NPC1: variants seen among roughly 807,000 people sequenced by gnomAD.
The protein encoded by NPC1 is NPC intracellular cholesterol transporter 1.
NPC1 carries 85 observed loss-of-function variants against 140.4 expected under a neutral mutation model. The observed-to-expected ratio is 0.61, with a 90% CI of 0.51 to 0.72. NPC1 has a LOEUF of 0.72. NPC1 is among the 30% of genes least tolerant of loss of function. NPC1 has a pLI of 0.00. For synonymous variants in NPC1, 656 were observed against 624.8 expected (o/e 1.05, Z -0.74); for missense variants, 1,504 against 1,623.8 (o/e 0.93, Z 1.27).
chr18:23,522,033 G>A (rs947255985), downstream of NPC1, among the ~76,000 whole-genome samples: 1 of 152,216 alleles, frequency 6.6e-6, no homozygotes, highest in Non-Finnish European at 1.5e-5. Flanking sequence ...GACCCAGCCT[G>A]CAGTCAGGAT....
downstream of NPC1, among the ~76,000 whole-genome samples, chr18:23,521,965 C>G (rs1251721179): frequency 6.6e-6 from 1 of 152,186 alleles, no homozygotes; most frequent in Admixed American, 6.5e-5. Context: ...TCAGATGGCT[C>G]ACATTTGGAA....
chr18:23,530,196 T>C (rs751240122), downstream of NPC1: 14 of 1,613,962 alleles, frequency 8.7e-6, no homozygotes, highest in East Asian at 3.1e-4. Flanking sequence ...CCGTTATCTT[T>C]CCAACTGAAG....
rs1373458567 is a variant in NPC1, at chr18:23,545,065, A to C, written c.1842T>G (p.Asn614Lys). The C allele has an allele frequency of 6.2e-7, 1 of 1,611,918 alleles. No individual in the cohort carries two copies. ...TGAAGACATCACTGTCACTTTCACG[A>C]TTTAGTTCATCTTCAATACTTCGTT... ...TAERSIEDEL[N>K]RESDSDVFTV... is the part of the protein sequence containing the mutation. Residue 614 changes from asparagine (N) to lysine (K), a missense_variant, in exon 12 of 25, where the codon AAT (asparagine) becomes AAG (lysine). Transcript: ENST00000269228.
chr18:23,535,785 CAG>C, intron 21 of NPC1, 85 bp from the exon 22 acceptor site: 1 of 904,536 alleles, frequency 1.1e-6, no homozygotes, highest in Non-Finnish European at 1.8e-6. Flanking sequence ...GCCAAGTGGT[CAG>C]ACTCCTTTGG....
chr18:23,572,913 T>C (rs1185177116), intron 2 of NPC1, among the ~76,000 whole-genome samples: 2 of 152,236 alleles, frequency 1.3e-5, no homozygotes, highest in Non-Finnish European at 2.9e-5. Context: ...TTTTGATTAC[T>C]TTAAGCCTCT....
At position 23,554,836 on chromosome 18, in the gene NPC1, T is replaced by C; in HGVS notation, c.1475A>G (p.His492Arg). The C allele has an allele frequency of 6.2e-7, 1 of 1,614,148 alleles. No individual in the cohort carries two copies. Among genetic ancestry groups the C allele is most frequent in the Non-Finnish European group, 8.5e-7 (1 of 1,180,000 alleles). ...LSVLNYFQNS[H>R]SVLDHKKGDD... Reference sequence around the variant, plus strand: ...CCCTTTCTTGTGGTCCAGCACGGAATGGCTGTTCTGGAAGTAATTTAACAC... The same window carrying C: ...CCCTTTCTTGTGGTCCAGCACGGAACGGCTGTTCTGGAAGTAATTTAACAC... Residue 492 changes from histidine to arginine, a missense_variant, in exon 9 of 25, where the codon CAT becomes CGT. Transcript: ENST00000269228.
chr18:23,557,745 AAAC>A (rs1225877344), intron 6 of NPC1, among the ~76,000 whole-genome samples: 2 of 110,304 alleles, frequency 1.8e-5, no homozygotes, highest in Non-Finnish European at 4.2e-5. Flanking sequence ...CATCTCAAAA[AAAC>A]AAACAAACAA....
downstream of NPC1, chr18:23,528,945 T>A: frequency 4.2e-6 from 2 of 479,996 alleles, no homozygotes; most frequent in Non-Finnish European, 7.2e-6. Flanking sequence ...AATGGTGAGA[T>A]CTTGGCTCAC....
intron 11 of NPC1, 142 bp downstream of exon 11, chr18:23,547,864 G>C (rs2058810978): frequency 2.6e-6 from 2 of 757,682 alleles, no homozygotes; most frequent in African/African-American, 1.7e-5. Context: ...TTTCTTCTTA[G>C]CATCATTAGT....
Position 23,531,508 on chromosome 18 carries a change from C to A in NPC1, c.*694G>T. 1 of 1,493,026 alleles carries A rather than the reference C, an allele frequency of 6.7e-7. No homozygotes were observed. Among genetic ancestry groups the A allele is most frequent in the Non-Finnish European group, 8.9e-7 (1 of 1,129,050 alleles). 92.5% of individuals were successfully genotyped at this position (1,493,026 alleles called of 1,614,324 possible). A position where few individuals can be genotyped will look rare whatever the true frequency, so the allele number is the denominator to read the frequency against. On this transcript the variant is annotated 3_prime_UTR_variant, in exon 25 of 25. Transcript: ENST00000269228. ...AGGGTAACCCCAAAACTTAGGAAAACAATGTATTTTATTAAAGAAAAATAA... is the reference window on the plus strand; with the variant it reads ...AGGGTAACCCCAAAACTTAGGAAAAAAATGTATTTTATTAAAGAAAAATAA...
chr18:23,516,724 C>CT (rs1567920926), intron 3 of NPC1, among the ~76,000 whole-genome samples: 1 of 140,432 alleles, frequency 7.1e-6, no homozygotes. Flanking sequence ...AGAATTTCTT[C>CT]TTCTTTTTTT....
downstream of NPC1, among the ~76,000 whole-genome samples, chr18:23,519,407 A>G (rs994482142): frequency 6.6e-6 from 1 of 151,982 alleles, no homozygotes; most frequent in Admixed American, 6.6e-5. Context: ...AGTCCCAGCT[A>G]CTTGTGGGGC....
intron 18 of NPC1, 164 bp downstream of exon 18, chr18:23,539,647 C>T: frequency 1.1e-6 from 1 of 873,752 alleles, no homozygotes; most frequent in Non-Finnish European, 1.8e-6. Context: ...TAAATTAGTC[C>T]TTTCAAAGGT....
At chr18:23,526,746 CCTGT>C, downstream of NPC1, 2 of 1,614,094 alleles carry the variant, frequency 1.2e-6, no homozygotes, top group Non-Finnish European at 1.7e-6. Context: ...AGATGGTCAT[CCTGT>C]CTGTCTGTTC....
Position 23,556,449 on chromosome 18 carries a change from T to C in NPC1, c.1120A>G (p.Thr374Ala). ...CSSGLVFVRV[T>A]TNPVDLWSAP... is the part of the protein sequence containing the mutation. Reference sequence around the variant, plus strand: ...GACCAGAGGTCAACTGGATTGGTTGTGACCCGGACAAACACCAGGCCTGAC... The same window carrying C: ...GACCAGAGGTCAACTGGATTGGTTGCGACCCGGACAAACACCAGGCCTGAC... The change falls in exon 8 of 25, where the codon ACA becomes GCA. Residue 374 changes from threonine (T) to alanine (A), a missense_variant. Physicochemically the swap from Thr to Ala is moderately conservative, Grantham distance 58 (BLOSUM62 0). Coordinates refer to ENST00000269228, the MANE Select transcript of NPC1 (RefSeq NM_000271.5). 1 of 1,614,148 alleles carries C rather than the reference T, an allele frequency of 6.2e-7. No homozygotes were observed. Among genetic ancestry groups the C allele is most frequent in the Non-Finnish European group, 8.5e-7 (1 of 1,180,042 alleles).
exon 2 of NPC1, chr18:23,522,785 T>G (rs1298531625): frequency 6.6e-6 from 1 of 152,376 alleles, no homozygotes; most frequent in Non-Finnish European, 1.5e-5. Flanking sequence ...GCAAAGCATT[T>G]TCAGAGGTTA....
rs2145456286 is a variant in NPC1 at position 23,556,366 on chromosome 18, A to T, written c.1203T>A (p.Pro401=). ...EKEYFDQHFG[P]FFRTEQLIIR... ...TGATGAGCTGCTCCGTCCGGAAGAA[A>T]GGCCCAAAGTGCTGGTCAAAGTACT... The change falls in exon 8 of 25, where the codon CCT becomes CCA. Residue 401 remains proline (P), a synonymous_variant. Transcript: ENST00000269228. The T allele has an allele frequency of 1.2e-6, 2 of 1,614,150 alleles. No individual in the cohort carries two copies. Among genetic ancestry groups the T allele is most frequent in the Admixed American group, 1.7e-5 (1 of 60,020 alleles).
At chr18:23,584,214 G>A (rs1234358811) in intron 1 of NPC1, among the ~76,000 whole-genome samples, 2 of 152,154 alleles carry the variant, frequency 1.3e-5, no homozygotes, top group South Asian at 2.1e-4. Flanking sequence ...ATCTTACACA[G>A]GACAACTAGT....
At chr18:23,579,786 G>A (rs1035576270) in intron 1 of NPC1, among the ~76,000 whole-genome samples, 4 of 151,956 alleles carry the variant, frequency 2.6e-5, no homozygotes, top group Non-Finnish European at 5.9e-5. Context: ...GCTACAGGCT[G>A]AGACAGGAGA....
Sources: allele counts gnomAD v4.1 joint callset (sites outside exome capture counted in the v4.1 genomes callset), GRCh38; gene constraint gnomAD v4.1.1; transcripts MANE v1.5; gene names NCBI Gene and HGNC (gene_info 2026-07-23, HGNC 2026-07-21).